The following TCF4 variants were observed in gnomAD, a reference collection of about 807,000 sequenced individuals.
TCF4 encodes the protein SL3-3 enhancer factor 2.
Under a neutral mutation model 82.1 loss-of-function variants are expected in TCF4, and 3 were observed. The observed-to-expected ratio is 0.04, with a 90% CI of 0.02 to 0.09. TCF4 has a LOEUF of 0.09. Ranked by LOEUF, TCF4 falls within the 10% of genes least tolerant of loss-of-function variation. TCF4 has a pLI of 1.00. For missense variants in TCF4, 518 were observed against 852.7 expected (o/e 0.61, Z 4.89); for synonymous variants, 276 against 309.6 (o/e 0.89, Z 1.14).
intron 10 of TCF4, among the ~76,000 whole-genome samples, chr18:55,271,230 T>C (rs2145996554): frequency 6.6e-6 from 1 of 152,272 alleles, no homozygotes; most frequent in Admixed American, 6.5e-5. Context: ...ACTTACATTC[T>C]GCACTATTGT....
intron 6 of TCF4, among the ~76,000 whole-genome samples, chr18:55,399,878 T>TCACA (rs1457281028): frequency 1.3e-3 from 99 of 77,064 alleles, no homozygotes; most frequent in Admixed American, 5.0e-3. Context: ...TCTCTCTCTC[T>TCACA]CTCACACACA....
At chr18:55,261,681 G>A (rs2058110820) in intron 11 of TCF4, 148 bp from the exon 12 acceptor site, 10 of 908,466 alleles carry the variant, frequency 1.1e-5, no homozygotes. Flanking sequence ...TGTTTGCTGA[G>A]GTAGATGTCA....
intron 3 of TCF4, among the ~76,000 whole-genome samples, chr18:55,548,760 T>C (rs1247461516): frequency 1.3e-5 from 2 of 152,230 alleles, no homozygotes; most frequent in African/African-American, 4.8e-5. Flanking sequence ...GGTATCACAA[T>C]GGTATTTGTG....
At chr18:55,370,955 T>TG in intron 6 of TCF4, among the ~76,000 whole-genome samples, 1 of 152,180 alleles carries the variant, frequency 6.6e-6, no homozygotes, top group Non-Finnish European at 1.5e-5. Context: ...TATACTTGTG[T>TG]GGGGGGAAAT....
intron 3 of TCF4, among the ~76,000 whole-genome samples, chr18:55,557,138 T>C (rs2097311464): frequency 3.9e-5 from 6 of 152,244 alleles, no homozygotes; most frequent in Admixed American, 3.9e-4. Flanking sequence ...AATGATTTTC[T>C]TCCATGAAGT....
intron 3 of TCF4, among the ~76,000 whole-genome samples, chr18:55,467,902 G>A (rs2096066740): frequency 1.3e-5 from 2 of 152,154 alleles, no homozygotes; most frequent in Admixed American, 1.3e-4. Context: ...CTAGTATTCT[G>A]GTTTTATATA....
chr18:55,373,926 A>G (rs1033492946), intron 6 of TCF4, among the ~76,000 whole-genome samples: 4 of 152,154 alleles, frequency 2.6e-5, no homozygotes, highest in Non-Finnish European at 5.9e-5. Context: ...ATTACCCCCA[A>G]AGTAGGAAAT....
At chr18:55,529,117 G>T (rs2146670939) in intron 3 of TCF4, among the ~76,000 whole-genome samples, 1 of 152,346 alleles carries the variant, frequency 6.6e-6, no homozygotes, top group South Asian at 2.1e-4. Context: ...GGTGGAGGTT[G>T]CAGTGAGCCA....
chr18:55,544,628 T>C (rs750167358), intron 3 of TCF4, among the ~76,000 whole-genome samples: 3 of 152,148 alleles, frequency 2.0e-5, no homozygotes, highest in Non-Finnish European at 2.9e-5. Flanking sequence ...ATACTAACTA[T>C]TATATATTAC....
intron 2 of TCF4, among the ~76,000 whole-genome samples, chr18:55,601,176 C>T (rs541773166): frequency 6.6e-6 from 1 of 152,258 alleles, no homozygotes; most frequent in South Asian, 2.1e-4. Flanking sequence ...ATAGAATGTT[C>T]AAAGCAGCTG....
intron 5 of TCF4, among the ~76,000 whole-genome samples, chr18:55,459,858 G>A (rs1474249598): frequency 6.6e-6 from 1 of 152,098 alleles, no homozygotes; most frequent in East Asian, 1.9e-4. Flanking sequence ...AACCAACTTT[G>A]TGGTTCTCAA....
At chr18:55,433,940 C>G (rs1011174614) in intron 5 of TCF4, among the ~76,000 whole-genome samples, 4 of 152,044 alleles carry the variant, frequency 2.6e-5, no homozygotes, top group Non-Finnish European at 5.9e-5. Flanking sequence ...GTTTTCCAGT[C>G]CTTTGTAGGC....
intron 3 of TCF4, among the ~76,000 whole-genome samples, chr18:55,470,406 C>G (rs1356596492): frequency 6.6e-6 from 1 of 152,150 alleles, no homozygotes; most frequent in Non-Finnish European, 1.5e-5. Context: ...TCTCCGTGAC[C>G]CTGTATAACA....
intron 8 of TCF4, among the ~76,000 whole-genome samples, chr18:55,331,553 C>A (rs1242357783): frequency 6.6e-6 from 1 of 152,134 alleles, no homozygotes; most frequent in Non-Finnish European, 1.5e-5. Context: ...TCCACAACAA[C>A]AGAAATCATC....
intron 5 of TCF4, among the ~76,000 whole-genome samples, chr18:55,419,852 T>C (rs1178029386): frequency 1.3e-5 from 2 of 152,240 alleles, no homozygotes; most frequent in African/African-American, 4.8e-5. Flanking sequence ...GCAGGAACAC[T>C]GGCTTCGCTG....
At chr18:55,252,358 T>G (rs2055468459) in intron 15 of TCF4, among the ~76,000 whole-genome samples, 2 of 149,794 alleles carry the variant, frequency 1.3e-5, no homozygotes, top group African/African-American at 4.9e-5. Context: ...TTTATTGCTT[T>G]TGTGTGTGTG....
At chr18:55,310,650 T>C (rs994022802) in intron 8 of TCF4, among the ~76,000 whole-genome samples, 2 of 152,212 alleles carry the variant, frequency 1.3e-5, no homozygotes, top group South Asian at 2.1e-4. Context: ...AGGAGTTGCA[T>C]TATTGGGAAA....
intron 3 of TCF4, among the ~76,000 whole-genome samples, chr18:55,577,497 G>A (rs2097541090): frequency 6.6e-6 from 1 of 151,902 alleles, no homozygotes; most frequent in East Asian, 1.9e-4. Context: ...GAATATAAAA[G>A]CAATTACTGA....
intron 6 of TCF4, among the ~76,000 whole-genome samples, chr18:55,378,837 G>A (rs912879512): frequency 2.6e-5 from 4 of 152,216 alleles, no homozygotes; most frequent in African/African-American, 4.8e-5. Context: ...ACACTTGGAC[G>A]CACTAGCAAG....
Sources: gnomAD v4.1 joint callset for allele counts (sites outside exome capture counted in the v4.1 genomes callset) on GRCh38, gnomAD v4.1.1 for gene constraint, MANE v1.5 for transcripts, NCBI Gene and HGNC (gene_info 2026-07-23, HGNC 2026-07-21) for gene names.